The following MARCHF6 variants were observed in gnomAD, a reference collection of about 807,000 sequenced individuals.
The protein encoded by MARCHF6 is membrane associated ring-CH-type finger 6, also known as E3 ubiquitin-protein ligase MARCHF6.
In MARCHF6, 31 loss-of-function variants were observed where a neutral mutation model predicts 133.7. The observed-to-expected ratio is 0.23, with a 90% confidence interval of 0.17 to 0.31. MARCHF6 has a LOEUF of 0.31. MARCHF6 is among the 10% of genes least tolerant of loss of function. MARCHF6 has a pLI of 1.00. For synonymous variants in MARCHF6, 395 were observed against 402.5 expected, an observed-to-expected ratio of 0.98 and a Z score of 0.22; for missense variants, 723 against 1,121.6, an observed-to-expected ratio of 0.64 and a Z score of 5.08.
chr5:10,361,707 G>A (rs534214244), intron 1 of MARCHF6, among the ~76,000 whole-genome samples: 7 of 152,108 alleles, frequency 4.6e-5, no homozygotes, highest in Non-Finnish European at 7.4e-5. Flanking sequence ...ATTCTTGAAG[G>A]CTTGGAAGAC....
At chr5:10,364,298 G>T (rs1414602303) in intron 1 of MARCHF6, among the ~76,000 whole-genome samples, 2 of 152,150 alleles carry the variant, frequency 1.3e-5, no homozygotes, top group Non-Finnish European at 2.9e-5. Context: ...TCCGGGTACA[G>T]GTGAGCCAAG....
chr5:10,419,494 T>C (rs1050197019), intron 22 of MARCHF6, among the ~76,000 whole-genome samples: 1 of 152,196 alleles, frequency 6.6e-6, no homozygotes, highest in African/African-American at 2.4e-5. Flanking sequence ...GATGGGTTTA[T>C]CTGGACCTAA....
intron 17 of MARCHF6, among the ~76,000 whole-genome samples, 170 bp downstream of exon 17, chr5:10,407,372 T>C (rs911884189): frequency 3.9e-4 from 60 of 152,166 alleles, no homozygotes; most frequent in African/African-American, 1.4e-3. Flanking sequence ...TTAAATTTAA[T>C]GTTTAAAAAA....
intron 11 of MARCHF6, chr5:10,401,216 A>C (rs1359465864): frequency 5.9e-6 from 1 of 170,132 alleles, no homozygotes. Context: ...AAAAGGGTAG[A>C]ATATTTTGGA....
At chr5:10,376,041 C>G (rs1239094466) in intron 1 of MARCHF6, among the ~76,000 whole-genome samples, 2 of 152,166 alleles carry the variant, frequency 1.3e-5, no homozygotes, top group African/African-American at 4.8e-5. Context: ...CCACTCGGCT[C>G]TACCAATCAG....
In MARCHF6 at chr5:10,381,962, G is replaced by T. The variant is rs1427544743; in HGVS notation, c.334+19G>T. ...ACAGCATGTGAGTATTCATGCCTCT[G>T]ATTGGAGTTATTTAAACATTGCATA... On this transcript the variant is annotated intron_variant, in intron 4 of 25. Transcript: ENST00000274140. 1.2e-6 allele frequency: 2 copies of T among 1,607,268 alleles called. No homozygotes were observed.
chr5:10,388,800 G>C (rs1002160735), intron 5 of MARCHF6, among the ~76,000 whole-genome samples: 3 of 152,166 alleles, frequency 2.0e-5, no homozygotes, highest in African/African-American at 7.2e-5. Flanking sequence ...CCTCTGTCCA[G>C]GATTCACAAA....
chr5:10,425,138 A>C (rs1740016975), intron 23 of MARCHF6, among the ~76,000 whole-genome samples: 1 of 152,238 alleles, frequency 6.6e-6, no homozygotes, highest in South Asian at 2.1e-4. Flanking sequence ...AAGCATGCTC[A>C]AGAAAATCTG....
intron 3 of MARCHF6, among the ~76,000 whole-genome samples, chr5:10,379,220 T>G (rs997505116): frequency 6.6e-6 from 1 of 152,184 alleles, no homozygotes; most frequent in African/African-American, 2.4e-5. Flanking sequence ...TTTATCCTTT[T>G]ATTTTTTTCT....
chr5:10,371,927 G>C (rs1736495075), intron 1 of MARCHF6, among the ~76,000 whole-genome samples: 1 of 152,090 alleles, frequency 6.6e-6, no homozygotes, highest in South Asian at 2.1e-4. Flanking sequence ...AAGGCCAGGA[G>C]TTTGAGACTA....
In MARCHF6 at chr5:10,436,536, T is replaced by C. The variant is rs759329355; in HGVS notation, c.*2852T>C. ...ATTTTATATTGGGTTAAAACAACCT[T>C]CAAGAAGGTTAACTAGGAAAGAAGA... On this transcript the variant is annotated 3_prime_UTR_variant, in exon 26 of 26. Coordinates refer to ENST00000274140, the MANE Select transcript of MARCHF6 (RefSeq NM_005885.4). The C allele has an allele frequency of 6.6e-6, 1 of 152,164 alleles. No individual in the cohort carries two copies. The highest frequency in any genetic ancestry group is 1.5e-5 in the Non-Finnish European group (1 of 68,034). 9.4% of individuals were successfully genotyped at this position (152,164 alleles called of 1,614,324 possible).
intron 11 of MARCHF6, chr5:10,401,161 G>C (rs1199841706): frequency 4.2e-6 from 1 of 239,354 alleles, no homozygotes; most frequent in African/African-American, 2.2e-5. Flanking sequence ...TTCCCCAGGT[G>C]CCCCCTGCTG....
At chr5:10,423,929 A>T in intron 23 of MARCHF6, 105 bp downstream of exon 23, 1 of 749,784 alleles carries the variant, frequency 1.3e-6, no homozygotes, top group Non-Finnish European at 2.0e-6. Context: ...TGAGTTTTCT[A>T]CATTTTTTTT....
In MARCHF6 at chr5:10,353,840, C is replaced by T; in HGVS notation, c.-59C>T. ...GGCTCCCTCCTCCTCTCCCCTCCCTCTTTCCCCGCCCGGCCGCGGGAGCCT... is the reference window on the plus strand; with the variant it reads ...GGCTCCCTCCTCCTCTCCCCTCCCTTTTTCCCCGCCCGGCCGCGGGAGCCT... On this transcript the variant is annotated 5_prime_UTR_variant, in exon 1 of 26. Transcript: ENST00000274140. 6.6e-7 allele frequency: 1 copy of T among 1,523,222 alleles called. No individual in the cohort carries two copies. 94.4% of individuals were successfully genotyped at this position (1,523,222 alleles called of 1,614,324 possible).
At position 10,435,677 on chromosome 5, in the gene MARCHF6, ATATATATATATATATATATATTTT is replaced by A; in HGVS notation, c.*1995_*2018del. 5.1e-4 allele frequency: 3 copies of A among 5,830 alleles called. No homozygotes were observed. Among genetic ancestry groups the A allele is most frequent in the Non-Finnish European group, 8.1e-4 (3 of 3,712 alleles). 0.4% of individuals were successfully genotyped at this position (5,830 alleles called of 1,614,324 possible). The stretch of plus-strand genomic sequence containing the variant: ...TATATATATATATATATATATATAT[ATATATATATATATATATATATTTT>A]TTTTTTTTTTTTTTTTTTTTTTTTT... On this transcript the variant is annotated 3_prime_UTR_variant, in exon 26 of 26. Coordinates refer to ENST00000274140, the MANE Select transcript of MARCHF6 (RefSeq NM_005885.4).
chr5:10,390,971 C>T (rs6880338), intron 6 of MARCHF6, among the ~76,000 whole-genome samples: 7,871 of 152,076 alleles, frequency 0.052, 690 homozygotes, highest in African/African-American at 0.18. Context: ...ACTGTTAATC[C>T]GCTAAATTAT....
At position 10,378,783 on chromosome 5, in the gene MARCHF6, T is replaced by C. The variant is rs1176571281; in HGVS notation, c.141T>C (p.Ser47=). 18 of 1,609,210 alleles carry C rather than the reference T, an allele frequency of 1.1e-5. No individual in the cohort carries two copies. Among genetic ancestry groups the C allele is most frequent in the Non-Finnish European group, 1.4e-5 (16 of 1,177,090 alleles). Residue 47 remains serine, a synonymous_variant, in exon 3 of 26, where the codon AGT becomes AGC. Coordinates refer to ENST00000274140, the MANE Select transcript of MARCHF6 (RefSeq NM_005885.4). ...GCTTAGTTCAATGGCTGAAACACAG[T>C]CGAAAAGAATACTGTGAATTATGCA... ...QECLVQWLKH[S]RKEYCELCKH... is the part of the protein sequence containing the mutation.
chr5:10,384,979 G>A (rs755707015), intron 4 of MARCHF6, among the ~76,000 whole-genome samples: 1 of 152,144 alleles, frequency 6.6e-6, no homozygotes, highest in African/African-American at 2.4e-5. Flanking sequence ...TGGATACATC[G>A]TGGTTTATTC....
intron 5 of MARCHF6, among the ~76,000 whole-genome samples, chr5:10,389,557 C>T (rs963376174): frequency 3.9e-5 from 6 of 152,254 alleles, no homozygotes; most frequent in African/African-American, 1.4e-4. Flanking sequence ...TGCACACCAT[C>T]ATGCCTGGCT....
Sources: gnomAD v4.1 joint callset for allele counts (sites outside exome capture counted in the v4.1 genomes callset) on GRCh38, gnomAD v4.1.1 for gene constraint, MANE v1.5 for transcripts, NCBI Gene and HGNC (gene_info 2026-07-23, HGNC 2026-07-21) for gene names.